Variants in RASGRF2 observed in about 807,000 individuals in gnomAD.
RASGRF2 encodes ras-specific guanine nucleotide-releasing factor 2.
In RASGRF2, 76 loss-of-function variants were observed where a neutral mutation model predicts 151.0. The ratio of observed to expected loss-of-function variants is 0.50; its 90% CI spans 0.42 to 0.61. RASGRF2 has a LOEUF of 0.61. Ranked by LOEUF, RASGRF2 falls within the 20% of genes least tolerant of loss-of-function variation. RASGRF2 has a pLI of 0.00. For synonymous variants in RASGRF2, 504 were observed against 566.5 expected (o/e 0.89, Z 1.57); for missense variants, 1,148 against 1,564.6 (o/e 0.73, Z 4.49).
chr5:81,032,309 A>G (rs961796452), intron 1 of RASGRF2, among the ~76,000 whole-genome samples: 1 of 152,246 alleles, frequency 6.6e-6, no homozygotes, highest in Non-Finnish European at 1.5e-5. Context: ...GGCTAGCATC[A>G]TCTTGATACC....
chr5:81,053,122 T>G (rs187897630), intron 2 of RASGRF2, among the ~76,000 whole-genome samples: 3 of 152,150 alleles, frequency 2.0e-5, no homozygotes, highest in Admixed American at 1.3e-4. Flanking sequence ...GATAAGATAA[T>G]TCTTTTCTTT....
At chr5:80,993,445 T>C (rs1051348264) in intron 1 of RASGRF2, among the ~76,000 whole-genome samples, 2 of 152,226 alleles carry the variant, frequency 1.3e-5, no homozygotes, top group African/African-American at 2.4e-5. Context: ...TACTCATCAC[T>C]CCGTTTCCTA....
chr5:81,110,633 T>C (rs1242839960), intron 13 of RASGRF2, among the ~76,000 whole-genome samples: 2 of 146,942 alleles, frequency 1.4e-5, no homozygotes, highest in African/African-American at 5.4e-5. Flanking sequence ...TTATAGGGTA[T>C]GTAGACTATG....
chr5:81,108,138 A>C (rs1752894544), intron 12 of RASGRF2, among the ~76,000 whole-genome samples: 1 of 152,240 alleles, frequency 6.6e-6, no homozygotes, highest in Admixed American at 6.5e-5. Flanking sequence ...TATAGCCACA[A>C]AACACTATAT....
chr5:80,992,088 C>T (rs1748668754), intron 1 of RASGRF2, among the ~76,000 whole-genome samples: 1 of 145,034 alleles, frequency 6.9e-6, no homozygotes, highest in Non-Finnish European at 1.5e-5. Context: ...TCCACCTCCT[C>T]CCCTATCCTG....
chr5:81,125,243 G>A (rs574997063), intron 16 of RASGRF2, among the ~76,000 whole-genome samples: 4 of 152,132 alleles, frequency 2.6e-5, no homozygotes, highest in Admixed American at 2.6e-4. Flanking sequence ...TTTAGCAAAA[G>A]GTAAAGTATA....
intron 18 of RASGRF2, among the ~76,000 whole-genome samples, chr5:81,194,161 T>TAG (rs1192692028): frequency 7.1e-6 from 1 of 141,550 alleles, no homozygotes. Context: ...CTGGGCAGCA[T>TAG]AGAGAGAGCC....
chr5:81,108,981 C>T lies in RASGRF2; in HGVS notation c.1756-15C>T. The T allele has an allele frequency of 6.3e-7, 1 of 1,590,926 alleles. No individual in the cohort carries two copies. On this transcript the variant is annotated splice_polypyrimidine_tract_variant and intron_variant, in intron 12 of 26. Coordinates refer to ENST00000265080, the MANE Select transcript of RASGRF2 (RefSeq NM_006909.3). The stretch of plus-strand genomic sequence containing the variant: ...CTTTCATGTGGGTTGTAATTGTCAA[C>T]TTTTTATTTCACAGTGTGTGGACAA...
chr5:81,096,930 T>C (rs1202568439), intron 12 of RASGRF2, among the ~76,000 whole-genome samples: 2 of 151,380 alleles, frequency 1.3e-5, no homozygotes, highest in East Asian at 3.9e-4. Flanking sequence ...AACCAAAAGT[T>C]GTATCTGTTT....
chr5:81,187,792 G>C (rs1178282682), intron 18 of RASGRF2, among the ~76,000 whole-genome samples: 1 of 152,246 alleles, frequency 6.6e-6, no homozygotes, highest in Non-Finnish European at 1.5e-5. Flanking sequence ...CAGAATGTGA[G>C]TGGACATAGT....
At chr5:81,059,734 A>G (rs902049785) in intron 2 of RASGRF2, among the ~76,000 whole-genome samples, 22 of 151,780 alleles carry the variant, frequency 1.4e-4, no homozygotes, top group Non-Finnish European at 2.8e-4. Context: ...AATCCCAGCT[A>G]TTCAGGAGGC....
chr5:81,207,752 G>A (rs1417930400), intron 21 of RASGRF2, among the ~76,000 whole-genome samples: 3 of 152,244 alleles, frequency 2.0e-5, no homozygotes, highest in Non-Finnish European at 4.4e-5. Flanking sequence ...TGGAGCTTCT[G>A]CCCCGCTGAA....
intron 17 of RASGRF2, among the ~76,000 whole-genome samples, chr5:81,169,665 G>T (rs1202251998): frequency 2.0e-5 from 3 of 152,208 alleles, no homozygotes; most frequent in Non-Finnish European, 2.9e-5. Context: ...CACAGGTTCT[G>T]CATGGATGTG....
At chr5:81,143,386 G>A (rs1399265434) in intron 17 of RASGRF2, among the ~76,000 whole-genome samples, 4 of 151,854 alleles carry the variant, frequency 2.6e-5, no homozygotes, top group Non-Finnish European at 4.4e-5. Flanking sequence ...GACCTCAGGT[G>A]ATCCACCCAC....
chr5:81,080,696 C>G lies in RASGRF2; in HGVS notation c.1068C>G (p.Asn356Lys), dbSNP rs1175165971. The part of the protein sequence containing the change: ...SLQVLANCKQ[N>K]RDFDKLLKQY... ...AAGTTCTCGCCAATTGTAAGCAAAA[C>G]AGAGATTTTGACAAACTCTTAAAAC... is the stretch of plus-strand genomic sequence containing the variant. Residue 356 changes from asparagine to lysine, a missense_variant, in exon 7 of 27, where the codon AAC becomes AAG. Physicochemically the swap from Asn to Lys is moderately conservative, Grantham distance 94 (BLOSUM62 0). Coordinates refer to ENST00000265080, the MANE Select transcript of RASGRF2 (RefSeq NM_006909.3). 11 of 1,614,116 alleles carry G rather than the reference C, an allele frequency of 6.8e-6. No homozygotes were observed. The highest frequency in any genetic ancestry group is 9.3e-6 in the Non-Finnish European group (11 of 1,179,964).
At chr5:81,078,803 G>A (rs886488402) in intron 5 of RASGRF2, among the ~76,000 whole-genome samples, 4 of 152,236 alleles carry the variant, frequency 2.6e-5, no homozygotes, top group East Asian at 1.9e-4. Flanking sequence ...GAAATCCCTC[G>A]CTGAGTGGAG....
intron 17 of RASGRF2, among the ~76,000 whole-genome samples, chr5:81,145,671 T>C (rs1753989105): frequency 6.6e-6 from 1 of 152,172 alleles, no homozygotes; most frequent in Non-Finnish European, 1.5e-5. Flanking sequence ...GAACTAGGTC[T>C]TCTGCCAACA....
chr5:81,094,815 T>G, intron 11 of RASGRF2, 41 bp from the exon 12 acceptor site: 2 of 1,548,496 alleles, frequency 1.3e-6, no homozygotes, highest in Non-Finnish European at 1.8e-6. Context: ...TCTTTGTTTT[T>G]TTGTATTCTC....
intron 13 of RASGRF2, among the ~76,000 whole-genome samples, chr5:81,112,157 G>A (rs1256814146): frequency 6.6e-6 from 1 of 151,942 alleles, no homozygotes; most frequent in Non-Finnish European, 1.5e-5. Flanking sequence ...ATGTCTATAT[G>A]TCATATAGAC....
Sources: gnomAD v4.1 joint callset for allele counts (sites outside exome capture counted in the v4.1 genomes callset) on GRCh38, gnomAD v4.1.1 for gene constraint, MANE v1.5 for transcripts, NCBI Gene and HGNC (gene_info 2026-07-23, HGNC 2026-07-21) for gene names.